CNTNAP2: variants seen among roughly 807,000 people sequenced by gnomAD.
CNTNAP2 encodes contactin associated protein 2.
CNTNAP2 carries 98 observed loss-of-function variants against 155.2 expected under a neutral mutation model. The observed-to-expected ratio is 0.63, with a 90% CI of 0.54 to 0.75. The LOEUF (loss-of-function observed/expected upper bound fraction) is 0.75. Ranked by LOEUF, CNTNAP2 falls within the 30% of genes least tolerant of loss-of-function variation. The pLI, the probability that CNTNAP2 is intolerant of heterozygous loss-of-function variation, is 0.00. For missense variants in CNTNAP2, 1,727 were observed against 1,688.1 expected (o/e 1.02, Z -0.40); for synonymous variants, 651 against 631.2 (o/e 1.03, Z -0.47).
At chr7:146,874,456 C>T (rs1421101699) in intron 3 of CNTNAP2, among the ~76,000 whole-genome samples, 1 of 152,116 alleles carries the variant, frequency 6.6e-6, no homozygotes, top group Non-Finnish European at 1.5e-5. Flanking sequence ...TCTCCTGCCT[C>T]GGCTTCCCGA....
At chr7:147,387,899 T>A (rs1796649759) in intron 9 of CNTNAP2, among the ~76,000 whole-genome samples, 1 of 152,196 alleles carries the variant, frequency 6.6e-6, no homozygotes, top group Non-Finnish European at 1.5e-5. Flanking sequence ...TTTGAGCACC[T>A]ATTGATATGC....
chr7:146,761,194 A>C (rs147690615), intron 1 of CNTNAP2, among the ~76,000 whole-genome samples: 49 of 152,182 alleles, frequency 3.2e-4, no homozygotes, highest in African/African-American at 1.2e-3. Flanking sequence ...CCTTACGTCC[A>C]CCCTAATAGG....
intron 21 of CNTNAP2, among the ~76,000 whole-genome samples, chr7:148,307,929 C>A (rs1481382418): frequency 1.3e-5 from 2 of 152,146 alleles, no homozygotes; most frequent in Non-Finnish European, 2.9e-5. Flanking sequence ...GCTGAGATCA[C>A]ACCACTGCAC....
At chr7:147,218,992 A>T (rs761157385) in intron 8 of CNTNAP2, among the ~76,000 whole-genome samples, 2 of 152,210 alleles carry the variant, frequency 1.3e-5, no homozygotes, top group African/African-American at 2.4e-5. Context: ...TTTATAATAA[A>T]CAGAAATGTA....
intron 2 of CNTNAP2, among the ~76,000 whole-genome samples, chr7:146,803,955 G>A (rs1802924439): frequency 6.6e-6 from 1 of 152,180 alleles, no homozygotes. Flanking sequence ...ATAGGTGGTA[G>A]GAAAGTTTAA....
At chr7:147,616,170 T>A (rs977802293) in intron 12 of CNTNAP2, among the ~76,000 whole-genome samples, 3 of 152,204 alleles carry the variant, frequency 2.0e-5, no homozygotes, top group African/African-American at 7.2e-5. Context: ...ACAAATTATA[T>A]TTTTTAATGT....
intron 9 of CNTNAP2, among the ~76,000 whole-genome samples, chr7:147,324,493 A>C (rs1178071644): frequency 6.6e-6 from 1 of 152,242 alleles, no homozygotes; most frequent in East Asian, 1.9e-4. Context: ...GTAGCATTAA[A>C]GCTTAATTTA....
At chr7:147,351,418 G>A (rs771523844) in intron 9 of CNTNAP2, among the ~76,000 whole-genome samples, 20 of 151,694 alleles carry the variant, frequency 1.3e-4, no homozygotes, top group Non-Finnish European at 2.7e-4. Context: ...GAGTAGGAAG[G>A]AATGAAAGGA....
intron 15 of CNTNAP2, among the ~76,000 whole-genome samples, chr7:148,069,997 TC>T (rs1803351138): frequency 6.6e-6 from 1 of 152,188 alleles, no homozygotes; most frequent in Admixed American, 6.5e-5. Context: ...TAAGCTATTA[TC>T]ATCTCCAGTT....
intron 1 of CNTNAP2, among the ~76,000 whole-genome samples, chr7:146,406,188 C>G (rs1795789027): frequency 6.6e-6 from 1 of 152,192 alleles, no homozygotes; most frequent in East Asian, 1.9e-4. Flanking sequence ...TCTTTCATCT[C>G]TATAGCCTAT....
rs140625561 is a variant in CNTNAP2 at position 147,862,722 on chromosome 7, A to C, written c.2099-40843A>C. Among the ~76,000 whole-genome samples the C allele has an allele frequency of 2.5e-3, 378 of 152,244 alleles. 2 individuals are homozygous for C. The highest frequency in any genetic ancestry group is 8.6e-3 in the African/African-American group (358 of 41,554). On this transcript the variant is annotated intron_variant, in intron 13 of 23. Coordinates refer to ENST00000361727, the MANE Select transcript of CNTNAP2 (RefSeq NM_014141.6). ...TTGTAAAAAGGTATTTGTTACCAAA[A>C]TGATAAAAGGAAGTGAACTTTAAAA...
chr7:146,883,141 A>G (rs1306763645), intron 3 of CNTNAP2, among the ~76,000 whole-genome samples: 2 of 152,186 alleles, frequency 1.3e-5, no homozygotes, highest in Non-Finnish European at 2.9e-5. Flanking sequence ...ATAGTTCTAA[A>G]TAACTAATGG....
chr7:147,226,390 G>A (rs1461588501), intron 8 of CNTNAP2, among the ~76,000 whole-genome samples: 2 of 152,078 alleles, frequency 1.3e-5, no homozygotes, highest in African/African-American at 4.8e-5. Context: ...AGAGAACATG[G>A]TCTAAAAACA....
At chr7:147,772,072 T>G (rs1764209393) in intron 13 of CNTNAP2, among the ~76,000 whole-genome samples, 1 of 152,118 alleles carries the variant, frequency 6.6e-6, no homozygotes, top group Admixed American at 6.5e-5. Context: ...ATATTTTAGA[T>G]AAGTTCTCTG....
chr7:147,891,420 G>T (rs1162699316), intron 13 of CNTNAP2, among the ~76,000 whole-genome samples: 1 of 152,042 alleles, frequency 6.6e-6, no homozygotes, highest in Non-Finnish European at 1.5e-5. Context: ...GGACAGGCTG[G>T]TCTTGAACTC....
intron 1 of CNTNAP2, among the ~76,000 whole-genome samples, chr7:146,319,025 A>G (rs1255607664): frequency 1.3e-5 from 2 of 152,064 alleles, no homozygotes; most frequent in African/African-American, 4.8e-5. Context: ...TAATACGCCC[A>G]CTGTCACAGA....
chr7:148,022,714 GT>G (rs35219212), intron 15 of CNTNAP2, among the ~76,000 whole-genome samples: 104,448 of 150,978 alleles, frequency 0.69, 36,776 homozygotes, highest in East Asian at 0.83. Flanking sequence ...TGTTTGGTTG[GT>G]TTTTTTTTGG....
chr7:147,909,952 G>T (rs1348171128), intron 14 of CNTNAP2, among the ~76,000 whole-genome samples: 1 of 152,154 alleles, frequency 6.6e-6, no homozygotes, highest in Non-Finnish European at 1.5e-5. Context: ...ACTAGCCGTT[G>T]TGCTCTCTTT....
At chr7:146,435,915 G>A (rs779632890) in intron 1 of CNTNAP2, among the ~76,000 whole-genome samples, 2 of 152,084 alleles carry the variant, frequency 1.3e-5, no homozygotes, top group African/African-American at 2.4e-5. Context: ...CATACAGCTA[G>A]TAAATAACAT....
Sources: gnomAD v4.1 joint callset for allele counts (sites outside exome capture counted in the v4.1 genomes callset) on GRCh38, gnomAD v4.1.1 for gene constraint, MANE v1.5 for transcripts, NCBI Gene and HGNC (gene_info 2026-07-23, HGNC 2026-07-21) for gene names.